CLSTN1: variants seen among roughly 807,000 people sequenced by gnomAD.
CLSTN1 encodes calsyntenin 1, also known as calsyntenin-1.
A neutral mutation model predicts 108.3 loss-of-function variants in CLSTN1; 28 were observed. That is an observed-to-expected ratio of 0.26 (90% CI 0.19 to 0.35). The LOEUF is 0.35. CLSTN1 is among the 10% of genes least tolerant of loss of function. The probability of loss-of-function intolerance (pLI) is 1.00; values close to 1 mark genes in which losing one functional copy is unlikely to be tolerated. For missense variants in CLSTN1, 1,157 were observed against 1,302.6 expected (o/e 0.89, Z 1.72); for synonymous variants, 524 against 534.9 (o/e 0.98, Z 0.28).
At chr1:9,785,945 G>A (rs1201859623) in intron 1 of CLSTN1, among the ~76,000 whole-genome samples, 2 of 152,068 alleles carry the variant, frequency 1.3e-5, no homozygotes, top group Admixed American at 1.3e-4. Flanking sequence ...GGAGGTTGAG[G>A]TGGGTGGATC....
In CLSTN1 at chr1:9,823,837, G is replaced by C. The variant is rs1027955735; in HGVS notation, c.-104C>G. 8 of 450,632 alleles carry C rather than the reference G, an allele frequency of 1.8e-5. No individual in the cohort carries two copies. Among genetic ancestry groups the C allele is most frequent in the African/African-American group, 1.5e-4 (7 of 46,898 alleles). The allele number at this position is 450,632 out of a possible 1,614,324, so 27.9% of individuals were successfully genotyped here. A position where few individuals can be genotyped will look rare whatever the true frequency, so the allele number is the denominator to read the frequency against. On this transcript the variant is annotated 5_prime_UTR_variant, in exon 1 of 19. Coordinates refer to ENST00000377298, the MANE Select transcript of CLSTN1 (RefSeq NM_001009566.3). The surrounding 1 kb of genome is among the most constrained non-coding windows in gnomAD (Gnocchi z 6.3). ...CCTGGGGCTAGCTGCTCCGCGGCGC[G>C]GGGAGCTCCGGGGGTCCAAGGAGGA...
chr1:9,744,000 T>A lies in CLSTN1; in HGVS notation c.1240A>T (p.Asn414Tyr), dbSNP rs1189543532. The A allele has an allele frequency of 2.5e-6, 4 of 1,613,692 alleles. No homozygotes were observed. The African/African-American group carries it at 5.3e-5, about 22-fold the overall frequency. The change falls in exon 9 of 19, where the codon AAT (asparagine) becomes TAT (tyrosine). Residue 414 changes from asparagine to tyrosine, a missense_variant. Asn to Tyr is a moderately radical substitution (Grantham distance 143, BLOSUM62 -2). Transcript: ENST00000377298. The part of the protein sequence containing the change: ...ILCSSDKTDM[N>Y]RHHYSLYVHG... ...ACATAGAGGGAGTAGTGGTGCCGAT[T>A]CATATCTGCAAAGGCAGTTTCTATG...
chr1:9,809,747 A>C (rs911400649), intron 1 of CLSTN1, among the ~76,000 whole-genome samples: 1 of 151,854 alleles, frequency 6.6e-6, no homozygotes, highest in African/African-American at 2.4e-5. Flanking sequence ...CTAAAAATAC[A>C]AAAATCAGCC....
intron 1 of CLSTN1, among the ~76,000 whole-genome samples, chr1:9,804,780 C>T (rs1465252226): frequency 2.6e-5 from 4 of 151,996 alleles, no homozygotes; most frequent in African/African-American, 7.3e-5. Flanking sequence ...TGCAGTGAGC[C>T]GAGTTTATGC....
At chr1:9,779,030 A>C (rs1653109575) in intron 1 of CLSTN1, among the ~76,000 whole-genome samples, 1 of 151,650 alleles carries the variant, frequency 6.6e-6, no homozygotes, top group Admixed American at 6.6e-5. Context: ...TCTCAAAAAA[A>C]AAAAAAAAGA....
At chr1:9,801,010 G>A (rs1654240621) in intron 1 of CLSTN1, among the ~76,000 whole-genome samples, 1 of 152,008 alleles carries the variant, frequency 6.6e-6, no homozygotes, top group Non-Finnish European at 1.5e-5. Flanking sequence ...ACTTTGGGAG[G>A]CCGAGGCAGA....
At chr1:9,794,340 CCT>C (rs1346329188) in intron 1 of CLSTN1, among the ~76,000 whole-genome samples, 2 of 151,324 alleles carry the variant, frequency 1.3e-5, no homozygotes, top group African/African-American at 4.8e-5. Context: ...ATTGAGTCTC[CCT>C]CTGTCGTCCA....
At chr1:9,763,732 G>C (rs1652192793) in intron 2 of CLSTN1, among the ~76,000 whole-genome samples, 1 of 152,122 alleles carries the variant, frequency 6.6e-6, no homozygotes, top group Non-Finnish European at 1.5e-5. Flanking sequence ...TCAATCCTGT[G>C]CTCCTCTATA....
chr1:9,769,923 G>A (rs530051227), intron 2 of CLSTN1, among the ~76,000 whole-genome samples: 11 of 152,022 alleles, frequency 7.2e-5, no homozygotes, highest in African/African-American at 2.2e-4. Flanking sequence ...CCAGCTAATC[G>A]GGAGGCTGAG....
intron 2 of CLSTN1, among the ~76,000 whole-genome samples, chr1:9,757,409 T>C (rs1310195877): frequency 2.0e-5 from 3 of 151,264 alleles, no homozygotes; most frequent in Non-Finnish European, 3.0e-5. Context: ...GCCCAGTTAA[T>C]TTTTTGTATT....
chr1:9,772,140 CTTTTTTTTTTTTT>C (rs57522417), intron 2 of CLSTN1, among the ~76,000 whole-genome samples: 6 of 30,918 alleles, frequency 1.9e-4, no homozygotes, highest in African/African-American at 8.8e-4. Context: ...CCACACCCGG[CTTTTTTTTTTTTT>C]TTTTTTTTTT....
At chr1:9,775,704 T>C (rs1652906425) in intron 1 of CLSTN1, among the ~76,000 whole-genome samples, 1 of 152,120 alleles carries the variant, frequency 6.6e-6, no homozygotes, top group Admixed American at 6.6e-5. Context: ...ATTAAGCTGA[T>C]CTGAAAAGAT....
intron 2 of CLSTN1, among the ~76,000 whole-genome samples, chr1:9,772,950 G>A (rs941432985): frequency 1.3e-5 from 2 of 152,128 alleles, no homozygotes; most frequent in African/African-American, 4.8e-5. Flanking sequence ...TCCCAGACCC[G>A]CTGTCTCTAC....
chr1:9,782,518 C>T (rs10746492), intron 1 of CLSTN1, among the ~76,000 whole-genome samples: 107,308 of 152,142 alleles, frequency 0.71, 38,366 homozygotes, highest in African/African-American at 0.83. Context: ...AAACCTTCTA[C>T]AAGTGCAGGC....
intron 7 of CLSTN1, among the ~76,000 whole-genome samples, chr1:9,745,666 C>CA (rs559802399): frequency 5.0e-4 from 76 of 151,228 alleles, no homozygotes; most frequent in African/African-American, 1.7e-3. Context: ...AATATATAAA[C>CA]AAATACAATA....
At chr1:9,777,056 C>T (rs960567021) in intron 1 of CLSTN1, among the ~76,000 whole-genome samples, 1 of 151,766 alleles carries the variant, frequency 6.6e-6, no homozygotes, top group African/African-American at 2.4e-5. Context: ...CCTGTCTTTA[C>T]TAAAAATACA....
intron 1 of CLSTN1, among the ~76,000 whole-genome samples, chr1:9,794,219 C>A (rs1653891472): frequency 6.6e-6 from 1 of 151,514 alleles, no homozygotes; most frequent in South Asian, 2.1e-4. Flanking sequence ...ATACCTTGTC[C>A]AGAGAATTAA....
intron 1 of CLSTN1, among the ~76,000 whole-genome samples, chr1:9,793,650 C>T (rs1033643333): frequency 7.9e-5 from 12 of 151,512 alleles, no homozygotes; most frequent in Non-Finnish European, 1.0e-4. Context: ...GACTCCAAGA[C>T]GCTTTTTGCC....
intron 4 of CLSTN1, 44 bp from the exon 5 acceptor site, chr1:9,751,725 G>C: frequency 6.4e-7 from 1 of 1,556,684 alleles, no homozygotes; most frequent in Non-Finnish European, 8.9e-7. Flanking sequence ...CTTGTTTTCA[G>C]TGTGAGAGAG....
Sources: allele counts gnomAD v4.1 joint callset (sites outside exome capture counted in the v4.1 genomes callset), GRCh38; gene constraint gnomAD v4.1.1; non-coding constraint Gnocchi (gnomAD v3.1); transcripts MANE v1.5; gene names NCBI Gene and HGNC (gene_info 2026-07-23, HGNC 2026-07-21).